Variants in BBS9 observed in about 807,000 individuals in gnomAD.
BBS9 encodes the protein protein PTHB1.
BBS9 carries 89 observed loss-of-function variants against 117.7 expected under a neutral mutation model. That is an observed-to-expected ratio of 0.76 (90% confidence interval 0.64 to 0.90). The LOEUF (loss-of-function observed/expected upper bound fraction) is 0.90, where lower values mean the gene tolerates loss of function less well. Among genes scored for constraint, BBS9 ranks in the 40% least tolerant of loss-of-function variants. The pLI, the probability that BBS9 is intolerant of heterozygous loss-of-function variation, is 0.00. For missense variants in BBS9, 982 were observed against 1,042.2 expected, an observed-to-expected ratio of 0.94 and a Z score of 0.80; for synonymous variants, 379 against 370.9, an observed-to-expected ratio of 1.02 and a Z score of -0.25.
Position 33,573,936 on chromosome 7 carries a change from T to G in BBS9, c.2522-30929T>G, listed in dbSNP as rs979820090. Among the ~76,000 whole-genome samples the G allele has an allele frequency of 2.0e-5, 3 of 152,118 alleles. No individual in the cohort carries two copies. In the South Asian group the frequency reaches 6.2e-4, roughly 31 times the overall value. On this transcript the variant is annotated intron_variant, in intron 21 of 22. Transcript: ENST00000242067. The stretch of plus-strand genomic sequence containing the variant: ...AGCTTGGGGTTTTTAGTTGCTGGCA[T>G]TAGTGGTGGCGCTGCTATCTTTGTC...
chr7:33,135,753 T>C (rs1399666485), intron 1 of BBS9, among the ~76,000 whole-genome samples: 1 of 152,224 alleles, frequency 6.6e-6, no homozygotes, highest in Non-Finnish European at 1.5e-5. Context: ...GCATTGAATC[T>C]GTAGATTGAT....
chr7:33,336,083 T>C (rs1464625660), intron 9 of BBS9, among the ~76,000 whole-genome samples: 1 of 152,086 alleles, frequency 6.6e-6, no homozygotes, highest in Non-Finnish European at 1.5e-5. Context: ...ACCTCCAAAG[T>C]GTTGTTCACA....
intron 19 of BBS9, among the ~76,000 whole-genome samples, chr7:33,451,111 A>G (rs10258040): frequency 0.22 from 33,756 of 151,814 alleles, 5,021 homozygotes; most frequent in African/African-American, 0.43. Flanking sequence ...GATGGTCTCG[A>G]TCTCCTGACC....
intron 20 of BBS9, among the ~76,000 whole-genome samples, chr7:33,532,651 G>A (rs1278393093): frequency 1.3e-5 from 2 of 152,130 alleles, no homozygotes; most frequent in Non-Finnish European, 2.9e-5. Flanking sequence ...CCCATGACAC[G>A]TGGGGTTATG....
rs79383716 is a variant in BBS9 at position 33,601,228 on chromosome 7, C to G, written c.2522-3637C>G. ...TTTAAGTCTCCTGCCCTCCTCGAGG[C>G]GAGACGCTTGCCTGATTTCCAGGCC... On this transcript the variant is annotated intron_variant, in intron 21 of 22. Transcript: ENST00000242067. Among the ~76,000 whole-genome samples, 1,441 of 152,184 alleles carry G rather than the reference C, an allele frequency of 9.5e-3. 20 individuals carry two copies. The highest frequency in any genetic ancestry group is 0.056 in the South Asian group (270 of 4,822).
chr7:33,357,038 G>T (rs1276801545), intron 15 of BBS9, among the ~76,000 whole-genome samples: 1 of 151,794 alleles, frequency 6.6e-6, no homozygotes, highest in Non-Finnish European at 1.5e-5. Flanking sequence ...TTTATAAGTA[G>T]AGAGCCTAAT....
intron 19 of BBS9, among the ~76,000 whole-genome samples, chr7:33,429,746 A>G (rs1203145612): frequency 1.3e-5 from 2 of 152,100 alleles, no homozygotes; most frequent in African/African-American, 2.4e-5. Flanking sequence ...GCCTTTATTA[A>G]TTTTATGTTT....
chr7:33,350,063 G>A (rs1818337839), intron 13 of BBS9, among the ~76,000 whole-genome samples: 2 of 152,196 alleles, frequency 1.3e-5, no homozygotes, highest in South Asian at 4.2e-4. Context: ...TCTTAGTAAG[G>A]TTTCTTTGTA....
chr7:33,565,781 GTATATATATATATATATATA>G (rs70989957), intron 21 of BBS9, among the ~76,000 whole-genome samples: 8,931 of 65,596 alleles, frequency 0.14, 752 homozygotes, highest in Non-Finnish European at 0.16. Context: ...GCTATCAGTA[GTATATATATATATATATATA>G]TATATATATA....
At chr7:33,573,502 T>C (rs1585313153) in intron 21 of BBS9, among the ~76,000 whole-genome samples, 1 of 152,130 alleles carries the variant, frequency 6.6e-6, no homozygotes, top group South Asian at 2.1e-4. Flanking sequence ...TATTCTTGTC[T>C]AAGCTTTATA....
intron 7 of BBS9, among the ~76,000 whole-genome samples, chr7:33,270,610 A>G (rs1562912978): frequency 6.6e-6 from 1 of 152,254 alleles, no homozygotes; most frequent in Non-Finnish European, 1.5e-5. Flanking sequence ...TGTGGAAAGA[A>G]TCTGAGAGCT....
At chr7:33,617,646 C>T (rs933963524) in intron 21 of BBS9, among the ~76,000 whole-genome samples, 1 of 152,010 alleles carries the variant, frequency 6.6e-6, no homozygotes, top group Non-Finnish European at 1.5e-5. Context: ...GACAACTAAA[C>T]AAAATTGGGA....
chr7:33,341,832 T>A (rs2128638923), intron 11 of BBS9, among the ~76,000 whole-genome samples: 1 of 152,278 alleles, frequency 6.6e-6, no homozygotes, highest in Admixed American at 6.5e-5. Flanking sequence ...TTACTTCATC[T>A]CCTCACTTAA....
chr7:33,279,719 G>T (rs112386499), intron 9 of BBS9, among the ~76,000 whole-genome samples: 159 of 151,912 alleles, frequency 1.0e-3, no homozygotes, highest in African/African-American at 3.7e-3. Flanking sequence ...TTCCTTTTCA[G>T]ATTAAATCTC....
chr7:33,521,737 TTTTC>T (rs1363545112), intron 20 of BBS9, among the ~76,000 whole-genome samples: 2 of 151,564 alleles, frequency 1.3e-5, no homozygotes, highest in Non-Finnish European at 2.9e-5. Flanking sequence ...CAAAGGGCTG[TTTTC>T]TTTTTCTTTT....
intron 18 of BBS9, among the ~76,000 whole-genome samples, chr7:33,386,973 T>G (rs1169589988): frequency 6.6e-6 from 1 of 152,150 alleles, no homozygotes; most frequent in Non-Finnish European, 1.5e-5. Context: ...TAGGTTTCTT[T>G]TTTTTAAATA....
chr7:33,360,488 C>G (rs1820416464), intron 16 of BBS9, among the ~76,000 whole-genome samples: 1 of 150,524 alleles, frequency 6.6e-6, no homozygotes, highest in Non-Finnish European at 1.5e-5. Context: ...TGGGGTGCTT[C>G]TGGCACCCCA....
chr7:33,615,222 A>AT lies in BBS9; in HGVS notation c.2522-19954dup, dbSNP rs1251444893. 2.0e-5 allele frequency among the ~76,000 whole-genome samples: 3 copies of AT among 152,064 alleles called. No homozygotes were observed. The East Asian group carries it at 5.8e-4, about 29-fold the overall frequency. ...AAGAAAAACTTACAAGGCATACTAA[A>AT]TGGCCAAAAATACAGTTTGAAAAGA... is the stretch of plus-strand genomic sequence containing the variant. On this transcript the variant is annotated intron_variant, in intron 21 of 21. Transcript: ENST00000671952.
chr7:33,190,270 C>A (rs1182747263), intron 5 of BBS9, among the ~76,000 whole-genome samples: 2 of 152,020 alleles, frequency 1.3e-5, no homozygotes, highest in Non-Finnish European at 2.9e-5. Context: ...CAGGCACCCG[C>A]CACCACACTC....
Sources: allele counts gnomAD v4.1 joint callset (sites outside exome capture counted in the v4.1 genomes callset), GRCh38; gene constraint gnomAD v4.1.1; transcripts MANE v1.5; gene names NCBI Gene and HGNC (gene_info 2026-07-23, HGNC 2026-07-21).